The following CERS5 variants were observed in gnomAD, a reference collection of about 807,000 sequenced individuals.
CERS5 encodes the protein ceramide synthase 5, also known as LAG1 homolog, ceramide synthase 5.
Under a neutral mutation model 58.9 loss-of-function variants are expected in CERS5, and 37 were observed. The observed-to-expected ratio is 0.63, with a 90% CI of 0.48 to 0.83. CERS5 has a LOEUF of 0.83. CERS5 is among the 40% of genes least tolerant of loss of function. The pLI, the probability that CERS5 is intolerant of heterozygous loss-of-function variation, is 0.00. For missense variants in CERS5, 398 were observed against 489.3 expected, an observed-to-expected ratio of 0.81 and a Z score of 1.76; for synonymous variants, 147 against 177.8, an observed-to-expected ratio of 0.83 and a Z score of 1.38.
intron 4 of CERS5, among the ~76,000 whole-genome samples, chr12:50,139,630 C>T (rs1049111077): frequency 6.6e-6 from 1 of 151,838 alleles, no homozygotes; most frequent in Admixed American, 6.6e-5. Context: ...CTGTCTCTAC[C>T]AAAAATACAA....
Position 50,129,817 on chromosome 12 carries a change from TCA to T in CERS5, c.*726_*727del, listed in dbSNP as rs1951213263. Reference sequence around the variant, plus strand: ...TAGAGGTGGGTTGAAGCACTTTTAATCACAAACAAACAATAGTATAAGACCGT... The same window carrying T: ...TAGAGGTGGGTTGAAGCACTTTTAATCAAACAAACAATAGTATAAGACCGT... On this transcript the variant is annotated 3_prime_UTR_variant, in exon 10 of 10. Transcript: ENST00000317551. The T allele has an allele frequency of 1.4e-5, 1 of 71,096 alleles. No homozygotes were observed. The highest frequency in any genetic ancestry group is 5.6e-4 in the South Asian group (1 of 1,796). 4.4% of individuals were successfully genotyped at this position (71,096 alleles called of 1,614,324 possible). A position where few individuals can be genotyped will look rare whatever the true frequency, so the allele number is the denominator to read the frequency against.
chr12:50,137,844 A>C, intron 5 of CERS5, 24 bp from the exon 6 acceptor site: 3 of 1,483,444 alleles, frequency 2.0e-6, no homozygotes, highest in Non-Finnish European at 1.9e-6. Context: ...AGAAGTAGTT[A>C]GATTACCGGC....
intron 4 of CERS5, among the ~76,000 whole-genome samples, 195 bp downstream of exon 4, chr12:50,141,858 G>C (rs1012431468): frequency 5.7e-5 from 8 of 141,140 alleles, no homozygotes; most frequent in African/African-American, 2.1e-4. Context: ...AGAATCTCTT[G>C]AACCCAACAG....
chr12:50,150,021 C>T (rs918027325), intron 1 of CERS5, among the ~76,000 whole-genome samples: 2 of 152,310 alleles, frequency 1.3e-5, no homozygotes, highest in South Asian at 4.1e-4. Context: ...GGATTACAGG[C>T]GTGAGCCAGC....
rs745970545 is a variant in CERS5 at position 50,135,729 on chromosome 12, T to C, written c.872+3A>G. 5.6e-6 allele frequency: 9 copies of C among 1,600,910 alleles called. No individual in the cohort carries two copies. The highest frequency in any genetic ancestry group is 6.8e-6 in the Non-Finnish European group (8 of 1,168,102). ...ACCACAACTCTACAGCCCTACCACT[T>C]ACCAGAATGGATAGATTCCTAGTCG... On this transcript the variant is annotated splice_donor_region_variant and intron_variant, in intron 8 of 9. Transcript: ENST00000317551.
intron 1 of CERS5, among the ~76,000 whole-genome samples, chr12:50,150,382 A>T (rs1039316747): frequency 2.6e-5 from 4 of 152,072 alleles, no homozygotes; most frequent in Admixed American, 6.6e-5. Context: ...ATAATGAAAT[A>T]AAAAAAAGTT....
intron 1 of CERS5, among the ~76,000 whole-genome samples, chr12:50,163,643 ATTTAT>A (rs1263372818): frequency 1.3e-5 from 2 of 152,052 alleles, no homozygotes; most frequent in Admixed American, 6.6e-5. Flanking sequence ...CTCTACAAAA[ATTTAT>A]TTTATTTATT....
chr12:50,158,154 G>A (rs1434850003), intron 1 of CERS5, among the ~76,000 whole-genome samples: 2 of 150,314 alleles, frequency 1.3e-5, no homozygotes, highest in African/African-American at 2.4e-5. Flanking sequence ...TCATTCTAAT[G>A]TACTAGAAGA....
chr12:50,164,135 T>C (rs1188554170), intron 1 of CERS5, among the ~76,000 whole-genome samples: 1 of 150,888 alleles, frequency 6.6e-6, no homozygotes, highest in Non-Finnish European at 1.5e-5. Context: ...AATTTTTATA[T>C]TTTTAGTAGA....
intron 1 of CERS5, among the ~76,000 whole-genome samples, chr12:50,151,805 C>G (rs564600545): frequency 2.8e-4 from 42 of 152,292 alleles, no homozygotes; most frequent in African/African-American, 9.9e-4. Flanking sequence ...ACCACCACAC[C>G]TGGCTAACTT....
At chr12:50,155,465 G>A (rs1025747596) in intron 1 of CERS5, among the ~76,000 whole-genome samples, 19 of 151,724 alleles carry the variant, frequency 1.3e-4, no homozygotes, top group Admixed American at 4.6e-4. Flanking sequence ...TGCCAGGCAC[G>A]GTGACTCAGG....
chr12:50,132,055 T>A lies in CERS5; in HGVS notation c.1030-1361A>T, dbSNP rs191484927. The stretch of plus-strand genomic sequence containing the variant: ...AGGAGGTCGAGGCTGCAGTGAGCCA[T>A]GATTGCGCCACTGTACTCCAGCCTG... On this transcript the variant is annotated intron_variant, in intron 9 of 9. Transcript: ENST00000317551. Among the ~76,000 whole-genome samples, 55 of 150,106 alleles carry A rather than the reference T, an allele frequency of 3.7e-4. 1 individual carries two copies. In the East Asian group the frequency reaches 0.011, roughly 29 times the overall value.
Position 50,144,065 on chromosome 12 carries a change from G to A in CERS5, c.198-8C>T, listed in dbSNP as rs776544365. On this transcript the variant is annotated splice_polypyrimidine_tract_variant and splice_region_variant and intron_variant, in intron 1 of 9. Coordinates refer to ENST00000317551, the MANE Select transcript of CERS5 (RefSeq NM_147190.5). ...CAGGGTTTGGCAATAAATCTGTAAT[G>A]GAGAAAACCCACGGGCCAATTCTTT... 1.9e-6 allele frequency: 3 copies of A among 1,540,806 alleles called. No individual in the cohort carries two copies. In the Admixed American group the frequency reaches 5.0e-5, roughly 26 times the overall value.
At position 50,157,769 on chromosome 12, in the gene CERS5, A is replaced by T. The variant is rs76732112; in HGVS notation, c.197+9332T>A. 3.7e-3 allele frequency among the ~76,000 whole-genome samples: 564 copies of T among 152,306 alleles called. 5 individuals are homozygous for T. The highest frequency in any genetic ancestry group is 0.012 in the African/African-American group (506 of 41,582). ...CAATAATTGACACTATCTAGACAGAAGCAAAATAATCTACTGTAGGCCAGG... is the reference window on the plus strand; with the variant it reads ...CAATAATTGACACTATCTAGACAGATGCAAAATAATCTACTGTAGGCCAGG... On this transcript the variant is annotated intron_variant, in intron 1 of 9. Coordinates refer to ENST00000317551, the MANE Select transcript of CERS5 (RefSeq NM_147190.5).
At chr12:50,148,582 G>A (rs775209567) in intron 1 of CERS5, 1 of 344,108 alleles carries the variant, frequency 2.9e-6, no homozygotes, top group South Asian at 2.0e-5. Flanking sequence ...GGGCGACAAA[G>A]CAGACTCTGT....
At chr12:50,162,847 G>A (rs1049366357) in intron 1 of CERS5, among the ~76,000 whole-genome samples, 2 of 151,990 alleles carry the variant, frequency 1.3e-5, no homozygotes, top group South Asian at 4.2e-4. Context: ...CAGGTGATCC[G>A]CCCGTCTCAG....
chr12:50,166,638 TAA>T lies in CERS5; in HGVS notation c.197+461_197+462del, dbSNP rs540529862. Among the ~76,000 whole-genome samples, 988 of 152,300 alleles carry T rather than the reference TAA, an allele frequency of 6.5e-3. 17 individuals are homozygous for T. Among genetic ancestry groups the T allele is most frequent in the African/African-American group, 0.022 (931 of 41,562 alleles). On this transcript the variant is annotated intron_variant, in intron 1 of 9. Coordinates refer to ENST00000317551, the MANE Select transcript of CERS5 (RefSeq NM_147190.5). ...GAAACTCAAGCGTCCTAACAAATCT[TAA>T]GAGTCTGATGAGTCCATTCCTTTCC...
Position 50,130,534 on chromosome 12 carries a change from T to A in CERS5, c.*11A>T. 1.3e-6 allele frequency: 2 copies of A among 1,586,032 alleles called. No homozygotes were observed. The highest frequency in any genetic ancestry group is 1.7e-6 in the Non-Finnish European group (2 of 1,158,846). On this transcript the variant is annotated 3_prime_UTR_variant, in exon 10 of 10. Coordinates refer to ENST00000317551, the MANE Select transcript of CERS5 (RefSeq NM_147190.5). ...AAGTCCATGTGTGCTGAAGTCCCTA[T>A]AGCAACCACCTTACTCTTCAGCCCA...
At chr12:50,147,882 A>G (rs111692068) in intron 1 of CERS5, among the ~76,000 whole-genome samples, 4,517 of 152,118 alleles carry the variant, frequency 0.03, 230 homozygotes, top group African/African-American at 0.1. Flanking sequence ...AGCTCAAGTG[A>G]TCCTCCCACC....
Sources: allele counts gnomAD v4.1 joint callset (sites outside exome capture counted in the v4.1 genomes callset), GRCh38; gene constraint gnomAD v4.1.1; transcripts MANE v1.5; gene names NCBI Gene and HGNC (gene_info 2026-07-23, HGNC 2026-07-21).